Variants in LGSN observed in about 807,000 individuals in gnomAD.
LGSN encodes lengsin.
In LGSN, 21 loss-of-function variants were observed where a neutral mutation model predicts 19.5. The observed-to-expected ratio is 1.07, with a 90% CI of 0.76 to 1.55. The LOEUF (loss-of-function observed/expected upper bound fraction) is 1.55, where lower values mean the gene tolerates loss of function less well. LGSN is among the 40% of genes most tolerant of loss of function. LGSN has a pLI of 0.00. For missense variants in LGSN, 673 were observed against 608.5 expected (o/e 1.11, Z -1.12); for synonymous variants, 257 against 215.6 (o/e 1.19, Z -1.68).
the LGSN span, among the ~76,000 whole-genome samples, chr6:63,543,464 G>A: frequency 2.6e-5 from 4 of 152,072 alleles, no homozygotes; most frequent in Non-Finnish European, 5.9e-5. Flanking sequence ...TTATGAAAAG[G>A]GATATTATCT....
At chr6:63,536,694 C>A in the LGSN span, among the ~76,000 whole-genome samples, 2,264 of 152,192 alleles carry the variant, frequency 0.015, 47 homozygotes, top group African/African-American at 0.051. Flanking sequence ...TAAAGAATTT[C>A]TTTATAGTAT....
the LGSN span, among the ~76,000 whole-genome samples, chr6:63,457,321 A>G: frequency 6.6e-6 from 1 of 152,024 alleles, no homozygotes; most frequent in Non-Finnish European, 1.5e-5. Context: ...CCTGGCCAAC[A>G]TGGTGAAACC....
intron 2 of LGSN, among the ~76,000 whole-genome samples, chr6:63,289,476 G>T (rs1404912715): frequency 1.3e-5 from 2 of 152,150 alleles, no homozygotes; most frequent in African/African-American, 4.8e-5. Flanking sequence ...ATAATTGCCA[G>T]TTCAGGAGCT....
the LGSN span, among the ~76,000 whole-genome samples, chr6:63,375,411 A>T: frequency 1.3e-3 from 195 of 151,056 alleles, no homozygotes; most frequent in African/African-American, 4.7e-3. Context: ...ATTTATATTT[A>T]TATTATTATA....
chr6:63,424,886 G>A, the LGSN span, among the ~76,000 whole-genome samples: 1 of 151,832 alleles, frequency 6.6e-6, no homozygotes, highest in African/African-American at 2.4e-5. Flanking sequence ...ACTCCAGCCT[G>A]GGCAAAAGAG....
the LGSN span, among the ~76,000 whole-genome samples, chr6:63,496,789 A>G: frequency 2.6e-5 from 4 of 151,786 alleles, no homozygotes; most frequent in African/African-American, 9.7e-5. Context: ...GGTAGGTACT[A>G]CTATCATCCC....
At chr6:63,323,427 G>A (rs1161244069), upstream of LGSN, among the ~76,000 whole-genome samples, 1 of 151,972 alleles carries the variant, frequency 6.6e-6, no homozygotes, top group Non-Finnish European at 1.5e-5. Context: ...TCTATTCACA[G>A]AAGACATTTT....
At chr6:63,535,061 A>T in the LGSN span, among the ~76,000 whole-genome samples, 40 of 152,160 alleles carry the variant, frequency 2.6e-4, no homozygotes, top group African/African-American at 9.6e-4. Flanking sequence ...ACTCCTTCAC[A>T]AAATAATAAT....
chr6:63,374,074 G>C, the LGSN span, among the ~76,000 whole-genome samples: 1 of 152,030 alleles, frequency 6.6e-6, no homozygotes. Flanking sequence ...GTTAGAAAAT[G>C]ACCTTATTTT....
At chr6:63,542,427 A>T in the LGSN span, among the ~76,000 whole-genome samples, 17 of 142,468 alleles carry the variant, frequency 1.2e-4, no homozygotes, top group South Asian at 3.3e-3. Flanking sequence ...CTATGGAAAT[A>T]AAAAAAAAAA....
chr6:63,402,511 A>G, the LGSN span, among the ~76,000 whole-genome samples: 1 of 152,216 alleles, frequency 6.6e-6, no homozygotes, highest in African/African-American at 2.4e-5. Flanking sequence ...ACTTAAACAC[A>G]TAAGCTGAAA....
At chr6:63,357,734 C>T in the LGSN span, among the ~76,000 whole-genome samples, 1 of 152,002 alleles carries the variant, frequency 6.6e-6, no homozygotes, top group Non-Finnish European at 1.5e-5. Context: ...GGATATTAGC[C>T]CTTTGTCAGA....
At chr6:63,549,292 ACT>A in the LGSN span, 1 of 754,058 alleles carries the variant, frequency 1.3e-6, no homozygotes, top group African/African-American at 1.7e-5. Context: ...ACTTTCAGCC[ACT>A]TACAGAGGAT....
chr6:63,391,146 T>C, the LGSN span, among the ~76,000 whole-genome samples: 1 of 152,228 alleles, frequency 6.6e-6, no homozygotes, highest in Admixed American at 6.5e-5. Flanking sequence ...AATCTCGTTT[T>C]TAAAAAATAT....
At chr6:63,342,285 A>C in the LGSN span, among the ~76,000 whole-genome samples, 10 of 152,278 alleles carry the variant, frequency 6.6e-5, no homozygotes, top group South Asian at 1.7e-3. Flanking sequence ...GTCACTGAGA[A>C]CCCCAATTTA....
chr6:63,501,310 C>T, the LGSN span, among the ~76,000 whole-genome samples: 1 of 149,424 alleles, frequency 6.7e-6, no homozygotes, highest in Non-Finnish European at 1.5e-5. Flanking sequence ...TGCAGTGAGC[C>T]GAGATTGTAC....
At chr6:63,535,290 C>T in the LGSN span, among the ~76,000 whole-genome samples, 3 of 152,080 alleles carry the variant, frequency 2.0e-5, no homozygotes, top group African/African-American at 2.4e-5. Context: ...CATGGTGAAA[C>T]CCCGTTTCTA....
the LGSN span, among the ~76,000 whole-genome samples, chr6:63,371,097 T>C: frequency 2.0e-5 from 3 of 152,240 alleles, no homozygotes; most frequent in African/African-American, 4.8e-5. Flanking sequence ...AGCGTTCTTC[T>C]CTATCATTAT....
At chr6:63,489,000 C>A in the LGSN span, among the ~76,000 whole-genome samples, 3 of 152,092 alleles carry the variant, frequency 2.0e-5, no homozygotes, top group African/African-American at 7.2e-5. Flanking sequence ...TTTAAACTGG[C>A]AATCCATAAC....
Sources: allele counts gnomAD v4.1 joint callset (sites outside exome capture counted in the v4.1 genomes callset), GRCh38; gene constraint gnomAD v4.1.1; transcripts MANE v1.5; gene names NCBI Gene and HGNC (gene_info 2026-07-23, HGNC 2026-07-21).